Variants in NIBAN2 observed in about 807,000 individuals in gnomAD.
NIBAN2 encodes the protein protein Niban 2.
In NIBAN2, 36 loss-of-function variants were observed where a neutral mutation model predicts 81.8. The observed-to-expected ratio is 0.44, with a 90% confidence interval of 0.34 to 0.58. The LOEUF (loss-of-function observed/expected upper bound fraction) is 0.58, where lower values mean the gene tolerates loss of function less well. Ranked by LOEUF, NIBAN2 falls within the 20% of genes least tolerant of loss-of-function variation. The pLI is 0.02. For synonymous variants in NIBAN2, 445 were observed against 441.6 expected (o/e 1.01, Z -0.10); for missense variants, 897 against 1,014.1 (o/e 0.88, Z 1.57).
Position 127,508,271 on chromosome 9 carries a change from C to A in NIBAN2, c.1435-71G>T. 7.1e-7 allele frequency: 1 copy of A among 1,414,420 alleles called. No individual in the cohort carries two copies. The highest frequency in any genetic ancestry group is 1.2e-5 in the South Asian group (1 of 84,594). The allele number at this position is 1,414,420 out of a possible 1,614,324, so 87.6% of individuals were successfully genotyped here. On this transcript the variant is annotated intron_variant, in intron 11 of 13. Coordinates refer to ENST00000373312, the MANE Select transcript of NIBAN2 (RefSeq NM_022833.4). The surrounding 1 kb of genome is among the most constrained non-coding windows in gnomAD (Gnocchi z 6.4). ...ATTGGCCCTGAGGGTAGGACGAGGC[C>A]AGTGGTCTGACCCAAGCCTCCGAGT...
intron 1 of NIBAN2, among the ~76,000 whole-genome samples, chr9:127,534,705 T>A (rs1027601934): frequency 6.6e-6 from 1 of 152,062 alleles, no homozygotes; most frequent in Non-Finnish European, 1.5e-5. Context: ...AGATTCCAGT[T>A]TGGGGGGAGG....
At chr9:127,523,899 G>A (rs1837012024) in intron 4 of NIBAN2, 53 bp from the exon 5 acceptor site, 10 of 1,563,138 alleles carry the variant, frequency 6.4e-6, no homozygotes, top group Non-Finnish European at 8.8e-6. Context: ...CCCTCCACCA[G>A]AGGATGTCAG....
upstream of NIBAN2, among the ~76,000 whole-genome samples, chr9:127,573,449 C>CTTTTT (rs11394598): frequency 2.2e-4 from 32 of 146,264 alleles, 1 homozygote; most frequent in Admixed American, 4.1e-4. Context: ...GTTATTTGCC[C>CTTTTT]TTTTTTTTTT....
chr9:127,525,118 C>T lies in NIBAN2; in HGVS notation c.361G>A (p.Gly121Ser). 1 of 1,614,172 alleles carries T rather than the reference C, an allele frequency of 6.2e-7. No individual in the cohort carries two copies. The highest frequency in any genetic ancestry group is 8.5e-7 in the Non-Finnish European group (1 of 1,180,022). The part of the protein sequence containing the change: ...VPPRAVINSA[G>S]YKILTSVDQY... ...TCCACGGACGTGAGGATTTTGTAGC[C>T]TGCACTGTTGATGACGGCTCGTGGT... The change falls in exon 4 of 14, where the codon GGC becomes AGC. Residue 121 changes from glycine (G) to serine (S), a missense_variant. By Grantham distance (56) the Gly-to-Ser change is moderately conservative. Coordinates refer to ENST00000373312, the MANE Select transcript of NIBAN2 (RefSeq NM_022833.4).
At chr9:127,511,856 T>C (rs541126889) in intron 8 of NIBAN2, among the ~76,000 whole-genome samples, 1 of 152,232 alleles carries the variant, frequency 6.6e-6, no homozygotes, top group African/African-American at 2.4e-5. Flanking sequence ...GTACTTGACA[T>C]CACTGATCAG....
chr9:127,558,775 A>G (rs1295420111), intron 1 of NIBAN2, among the ~76,000 whole-genome samples: 1 of 152,204 alleles, frequency 6.6e-6, no homozygotes, highest in Admixed American at 6.5e-5. Flanking sequence ...CCTCCTCTAG[A>G]TGCCTGAATC....
rs760610518 is a variant in NIBAN2 at position 127,517,131 on chromosome 9, C to A, written c.791G>T (p.Arg264Leu). ...GPRLKGKPQE[R>L]QRQWIQISDA... ...ACCCACCTGGATCCACTGCCGCTGC[C>A]GCTCCTGCGGTTTCCCCTTCAGCCG... The change falls in exon 7 of 14, where the codon CGG (arginine) becomes CTG (leucine). Residue 264 changes from arginine (R) to leucine (L), a missense_variant. Around this residue, in one of 3 missense-constraint regions of NIBAN2, gnomAD observed 619 missense variants for 691.0 expected, o/e 0.90. Coordinates refer to ENST00000373312, the MANE Select transcript of NIBAN2 (RefSeq NM_022833.4). This position sits in a 1 kb window ranked among gnomAD's most constrained non-coding sequence, Gnocchi z 4.0. 6 of 1,613,820 alleles carry A rather than the reference C, an allele frequency of 3.7e-6. No individual in the cohort carries two copies. In the South Asian group the frequency reaches 6.6e-5, roughly 18 times the overall value.
At chr9:127,571,712 AG>A (rs67094228), upstream of NIBAN2, among the ~76,000 whole-genome samples, 108,886 of 150,508 alleles carry the variant, frequency 0.72, 39,498 homozygotes, top group Middle Eastern at 0.76. Context: ...ACAAAACCAA[AG>A]AAAAAAACAG....
intron 8 of NIBAN2, among the ~76,000 whole-genome samples, chr9:127,512,162 C>T (rs1836749178): frequency 6.6e-6 from 1 of 152,206 alleles, no homozygotes. Flanking sequence ...TAATCATCAA[C>T]TCAAAAGAAT....
At chr9:127,520,229 CTTTTTTTTTTTT>C (rs61128001) in intron 5 of NIBAN2, among the ~76,000 whole-genome samples, 1 of 109,508 alleles carries the variant, frequency 9.1e-6, no homozygotes, top group Non-Finnish European at 1.8e-5. Context: ...GACCCAGGGT[CTTTTTTTTTTTT>C]TTTTTTTTTT....
chr9:127,575,937 C>G (rs551301134), intron 1 of NIBAN2, among the ~76,000 whole-genome samples: 8 of 152,288 alleles, frequency 5.3e-5, no homozygotes, highest in Admixed American at 3.3e-4. Flanking sequence ...ACCCTGCCCC[C>G]CTACTAGGTC....
chr9:127,529,157 G>A (rs1291293636), intron 2 of NIBAN2, among the ~76,000 whole-genome samples: 1 of 152,222 alleles, frequency 6.6e-6, no homozygotes, highest in Non-Finnish European at 1.5e-5. Context: ...CAATGCCTCG[G>A]TCAGAGACAG....
Position 127,545,287 on chromosome 9 carries a change from C to A in NIBAN2, c.56-13509G>T, listed in dbSNP as rs60976193. 0.02 allele frequency among the ~76,000 whole-genome samples: 2,869 copies of A among 146,520 alleles called. 82 individuals carry two copies. Among genetic ancestry groups the A allele is most frequent in the African/African-American group, 0.075 (2,710 of 36,096 alleles). On this transcript the variant is annotated intron_variant, in intron 1 of 13. Coordinates refer to ENST00000373312, the MANE Select transcript of NIBAN2 (RefSeq NM_022833.4). This position sits in a 1 kb window ranked among gnomAD's most constrained non-coding sequence, Gnocchi z 4.7. ...CCCAGGTCTCCACAGCCTCCCTGGC[C>A]TCCACTCCCACAGCCCCTGGCCTGC...
chr9:127,543,926 T>G (rs376361191), intron 1 of NIBAN2, among the ~76,000 whole-genome samples: 9 of 152,210 alleles, frequency 5.9e-5, no homozygotes, highest in East Asian at 1.9e-4. Flanking sequence ...AAAATTATAG[T>G]CAACATTGTT....
intron 4 of NIBAN2, among the ~76,000 whole-genome samples, chr9:127,524,110 G>T (rs1162214741): frequency 6.6e-6 from 1 of 152,192 alleles, no homozygotes; most frequent in African/African-American, 2.4e-5. Flanking sequence ...CCCACTCTTG[G>T]GTTAGGTTTT....
chr9:127,508,197 A>G lies in NIBAN2; in HGVS notation c.1438T>C (p.Tyr480His). Residue 480 changes from tyrosine to histidine, a missense_variant, in exon 12 of 14, where the codon TAC becomes CAC. By Grantham distance (83) the Tyr-to-His change is moderately conservative (BLOSUM62 2). Around this residue, in one of 3 missense-constraint regions of NIBAN2, gnomAD observed 619 missense variants for 691.0 expected, o/e 0.90. Coordinates refer to ENST00000373312, the MANE Select transcript of NIBAN2 (RefSeq NM_022833.4). This position sits in a 1 kb window ranked among gnomAD's most constrained non-coding sequence, Gnocchi z 6.4. Reference protein sequence around the residue: ...QRVLERVLKKYDYDSSSVRKR... With the variant: ...QRVLERVLKKHDYDSSSVRKR... ...CGCACAGAGCTGCTGTCGTAGTCGT[A>G]TTTCTGCAGGGAACAAGGGGGTCGG... 1 of 1,612,896 alleles carries G rather than the reference A, an allele frequency of 6.2e-7. No individual in the cohort carries two copies.
rs955254047 is a variant in NIBAN2 at position 127,508,453 on chromosome 9, G to A, written c.1403C>T (p.Ser468Phe). 3.1e-6 allele frequency: 5 copies of A among 1,613,322 alleles called. No homozygotes were observed. Among genetic ancestry groups the A allele is most frequent in the Non-Finnish European group, 4.2e-6 (5 of 1,179,986 alleles). Residue 468 changes from serine to phenylalanine, a missense_variant, in exon 11 of 14, where the codon TCC (serine) becomes TTC (phenylalanine). Transcript: ENST00000373312. The surrounding 1 kb of genome is among the most constrained non-coding windows in gnomAD (Gnocchi z 6.4). ...KGPTKEELCK[S>F]IQRVLERVLK... Reference sequence around the variant, plus strand: ...CACCCGCTCCAGGACCCGCTGGATGGACTTGCACAGCTCCTCCTTGGTGGG... The same window carrying A: ...CACCCGCTCCAGGACCCGCTGGATGAACTTGCACAGCTCCTCCTTGGTGGG...
At chr9:127,522,917 G>A (rs532451516) in intron 5 of NIBAN2, among the ~76,000 whole-genome samples, 38 of 151,910 alleles carry the variant, frequency 2.5e-4, no homozygotes, top group African/African-American at 8.4e-4. Context: ...GTGAGCCATC[G>A]TGCTGGCATC....
At position 127,527,336 on chromosome 9, in the gene NIBAN2, C is replaced by A. The variant is rs2243558; in HGVS notation, c.187-14G>T. On this transcript the variant is annotated splice_polypyrimidine_tract_variant and intron_variant, in intron 2 of 13. Transcript: ENST00000373312. ...GTCCAGTGGCACCTGTGGGCAGGAG[C>A]GGGTGGGGAGTGAGGCCCAGGTCTG... is the stretch of plus-strand genomic sequence containing the variant. The A allele has an allele frequency of 5.6e-6, 9 of 1,609,164 alleles. No individual in the cohort carries two copies. In the Admixed American group the frequency reaches 1.0e-4, roughly 18 times the overall value.
Sources: allele counts gnomAD v4.1 joint callset (sites outside exome capture counted in the v4.1 genomes callset), GRCh38; gene constraint gnomAD v4.1.1; regional missense constraint gnomAD v4.1.1; non-coding constraint Gnocchi (gnomAD v3.1); transcripts MANE v1.5; gene names NCBI Gene and HGNC (gene_info 2026-07-23, HGNC 2026-07-21).